CNTNAP2: variants seen among roughly 807,000 people sequenced by gnomAD.
The protein encoded by CNTNAP2 is contactin-associated protein-like 2.
CNTNAP2 carries 98 observed loss-of-function variants against 155.2 expected under a neutral mutation model. That is an observed-to-expected ratio of 0.63 (90% CI 0.54 to 0.75). The LOEUF (loss-of-function observed/expected upper bound fraction) is 0.75. Among genes scored for constraint, CNTNAP2 ranks in the 30% least tolerant of loss-of-function variants. The probability of loss-of-function intolerance (pLI) is 0.00; values close to 1 mark genes in which losing one functional copy is unlikely to be tolerated. For synonymous variants in CNTNAP2, 651 were observed against 631.2 expected (o/e 1.03, Z -0.47); for missense variants, 1,727 against 1,688.1 (o/e 1.02, Z -0.40).
intron 1 of CNTNAP2, among the ~76,000 whole-genome samples, chr7:146,308,815 C>T (rs758082237): frequency 8.6e-5 from 13 of 151,516 alleles, no homozygotes; most frequent in African/African-American, 2.2e-4. Flanking sequence ...CATCACATAC[C>T]GGGGCCTGTT....
intron 1 of CNTNAP2, among the ~76,000 whole-genome samples, chr7:146,211,918 G>A (rs1225177029): frequency 6.6e-6 from 1 of 151,920 alleles, no homozygotes; most frequent in Non-Finnish European, 1.5e-5. Flanking sequence ...TCTTATCACA[G>A]AATGACTATG....
chr7:146,609,571 G>T (rs1378124514), intron 1 of CNTNAP2, among the ~76,000 whole-genome samples: 1 of 152,008 alleles, frequency 6.6e-6, no homozygotes, highest in Non-Finnish European at 1.5e-5. Flanking sequence ...TGAAGGTCTT[G>T]GTACATGAAT....
At chr7:146,821,460 A>AATTCT (rs1190681460) in intron 2 of CNTNAP2, among the ~76,000 whole-genome samples, 1 of 152,112 alleles carries the variant, frequency 6.6e-6, no homozygotes, top group Non-Finnish European at 1.5e-5. Context: ...CTGGGTTGAA[A>AATTCT]ATTCTTTTCT....
chr7:147,555,746 C>T (rs1799939933), intron 11 of CNTNAP2, among the ~76,000 whole-genome samples: 1 of 152,130 alleles, frequency 6.6e-6, no homozygotes, highest in Non-Finnish European at 1.5e-5. Flanking sequence ...TTTTCAAGGT[C>T]ACAACAGGAA....
At chr7:146,631,832 A>G (rs904080601) in intron 1 of CNTNAP2, among the ~76,000 whole-genome samples, 3 of 152,152 alleles carry the variant, frequency 2.0e-5, no homozygotes, top group African/African-American at 7.2e-5. Flanking sequence ...CCAAGTTTTA[A>G]TGTCAGTCAA....
At chr7:146,405,258 T>C (rs1795774261) in intron 1 of CNTNAP2, among the ~76,000 whole-genome samples, 1 of 152,192 alleles carries the variant, frequency 6.6e-6, no homozygotes, top group Non-Finnish European at 1.5e-5. Context: ...CTTTCATTTT[T>C]AAGTTTGTTG....
chr7:146,412,080 A>C (rs1295679082), intron 1 of CNTNAP2, among the ~76,000 whole-genome samples: 4 of 151,850 alleles, frequency 2.6e-5, no homozygotes, highest in African/African-American at 9.7e-5. Context: ...TGATCCACTC[A>C]CCTTGGCCTC....
At chr7:146,914,653 T>A (rs117086059) in intron 3 of CNTNAP2, among the ~76,000 whole-genome samples, 6,447 of 152,170 alleles carry the variant, frequency 0.042, 152 homozygotes, top group South Asian at 0.072. Flanking sequence ...ATTGTTTTTT[T>A]GTCTAGTTGA....
chr7:147,040,726 G>T (rs938020678), intron 3 of CNTNAP2, among the ~76,000 whole-genome samples: 5 of 152,042 alleles, frequency 3.3e-5, no homozygotes, highest in Non-Finnish European at 7.4e-5. Flanking sequence ...CTCCCAAAGT[G>T]CTGTGATTAC....
intron 3 of CNTNAP2, among the ~76,000 whole-genome samples, chr7:146,973,711 A>T (rs1379383600): frequency 1.3e-5 from 2 of 152,220 alleles, no homozygotes; most frequent in East Asian, 3.9e-4. Flanking sequence ...AATTATAGTT[A>T]ATATGAATGG....
intron 13 of CNTNAP2, among the ~76,000 whole-genome samples, chr7:147,697,228 C>A (rs1013552250): frequency 6.6e-6 from 1 of 152,066 alleles, no homozygotes; most frequent in East Asian, 1.9e-4. Context: ...CTTTTTTGTT[C>A]TTTCTTAGAA....
intron 8 of CNTNAP2, among the ~76,000 whole-genome samples, chr7:147,225,129 C>G (rs1360182350): frequency 6.6e-6 from 1 of 152,108 alleles, no homozygotes; most frequent in African/African-American, 2.4e-5. Context: ...TTTACCATGT[C>G]CTAAGGCCTT....
chr7:147,759,995 G>A (rs950667638), intron 13 of CNTNAP2, among the ~76,000 whole-genome samples: 2 of 152,030 alleles, frequency 1.3e-5, no homozygotes, highest in African/African-American at 4.8e-5. Flanking sequence ...TCTTTACTGG[G>A]TCATTTCTCT....
intron 8 of CNTNAP2, among the ~76,000 whole-genome samples, chr7:147,241,806 T>C (rs1240263869): frequency 6.6e-6 from 1 of 152,100 alleles, no homozygotes; most frequent in African/African-American, 2.4e-5. Context: ...CTAGATAAAA[T>C]AAGAGGCCCA....
intron 1 of CNTNAP2, among the ~76,000 whole-genome samples, chr7:146,544,505 C>A (rs1435578923): frequency 6.6e-6 from 1 of 151,940 alleles, no homozygotes; most frequent in African/African-American, 2.4e-5. Flanking sequence ...GATTGGAAAT[C>A]TAACAATTTT....
chr7:146,616,746 C>T (rs553951446), intron 1 of CNTNAP2, among the ~76,000 whole-genome samples: 1 of 152,264 alleles, frequency 6.6e-6, no homozygotes, highest in South Asian at 2.1e-4. Flanking sequence ...GCACTGCCAA[C>T]GCAGGCCCAT....
At chr7:147,601,992 A>C (rs1156306406) in intron 12 of CNTNAP2, among the ~76,000 whole-genome samples, 2 of 151,878 alleles carry the variant, frequency 1.3e-5, no homozygotes, top group Non-Finnish European at 2.9e-5. Flanking sequence ...TGGTCTAGAG[A>C]TTTGAGGAAA....
At chr7:147,892,184 T>C (rs551719684) in intron 13 of CNTNAP2, among the ~76,000 whole-genome samples, 31 of 152,308 alleles carry the variant, frequency 2.0e-4, no homozygotes, top group Admixed American at 1.1e-3. Context: ...GCATCTCAAC[T>C]CAATGGTTAC....
At chr7:146,285,935 C>T (rs1219805095) in intron 1 of CNTNAP2, among the ~76,000 whole-genome samples, 1 of 26,818 alleles carries the variant, frequency 3.7e-5, no homozygotes, top group African/African-American at 2.1e-4. Context: ...CCTCCCTTCC[C>T]CTCCCCTCCC....
Sources: allele counts gnomAD v4.1 joint callset (sites outside exome capture counted in the v4.1 genomes callset), GRCh38; gene constraint gnomAD v4.1.1; transcripts MANE v1.5; gene names NCBI Gene and HGNC (gene_info 2026-07-23, HGNC 2026-07-21).